UTP6: variants seen among roughly 807,000 people sequenced by gnomAD.
The protein encoded by UTP6 is UTP6 small subunit processome component.
UTP6 carries 60 observed loss-of-function variants against 96.5 expected under a neutral mutation model. The ratio of observed to expected loss-of-function variants is 0.62; its 90% CI spans 0.51 to 0.77. UTP6 has a LOEUF of 0.77. UTP6 is among the 30% of genes least tolerant of loss of function. The pLI, the probability that UTP6 is intolerant of heterozygous loss-of-function variation, is 0.00. For synonymous variants in UTP6, 215 were observed against 240.1 expected (o/e 0.90, Z 0.96); for missense variants, 637 against 706.5 (o/e 0.90, Z 1.12).
intron 6 of UTP6, chr17:31,892,050 G>T: frequency 1.8e-6 from 1 of 555,490 alleles, no homozygotes; most frequent in African/African-American, 1.9e-5. Context: ...AGTCCTTCTT[G>T]CCTGCAGATA....
At chr17:31,886,530 GGC>G (rs1911156519) in intron 8 of UTP6, 1 of 153,422 alleles carries the variant, frequency 6.5e-6, no homozygotes, top group Non-Finnish European at 1.5e-5. Flanking sequence ...CGGGAGTGGT[GGC>G]GGGCACCTGT....
rs1234574561 is a variant in UTP6, at chr17:31,894,666, C to A, written c.291G>T (p.Gln97His). 1 of 1,610,394 alleles carries A rather than the reference C, an allele frequency of 6.2e-7. No homozygotes were observed. Among genetic ancestry groups the A allele is most frequent in the Non-Finnish European group, 8.5e-7 (1 of 1,178,044 alleles). The change falls in exon 4 of 19, where the codon CAG becomes CAT. Residue 97 changes from glutamine (Q) to histidine (H), a missense_variant. Coordinates refer to ENST00000261708, the MANE Select transcript of UTP6 (RefSeq NM_018428.3). ...SIVHRVQGVFQRASAKWKDDV... is the reference protein window; with the variant it reads ...SIVHRVQGVFHRASAKWKDDV... Reference sequence around the variant, plus strand: ...TCACTTTCCATTTTGCTGAGGCACGCTGGAAAACACCTTGTACCCGGTGTA... The same window carrying A: ...TCACTTTCCATTTTGCTGAGGCACGATGGAAAACACCTTGTACCCGGTGTA...
chr17:31,885,847 G>T, intron 9 of UTP6, 133 bp downstream of exon 9: 1 of 714,054 alleles, frequency 1.4e-6, no homozygotes, highest in South Asian at 1.9e-5. Flanking sequence ...AGTATTTTCT[G>T]AAAGAAACAG....
intron 11 of UTP6, 67 bp from the exon 12 acceptor site, chr17:31,878,848 T>C: frequency 1.2e-5 from 17 of 1,464,594 alleles, no homozygotes; most frequent in Non-Finnish European, 1.6e-5. Context: ...TCAAAGTTAT[T>C]AAAAGATAAG....
At position 31,892,640 on chromosome 17, in the gene UTP6, T is replaced by C. The variant is rs564595520; in HGVS notation, c.360+107A>G. On this transcript the variant is annotated intron_variant, in intron 5 of 18. Coordinates refer to ENST00000261708, the MANE Select transcript of UTP6 (RefSeq NM_018428.3). The stretch of plus-strand genomic sequence containing the variant: ...GATGTTCCGCCTTCTTGGGTTCTTT[T>C]TTCATGTTAACCCTACACTTCAGGA... 3 of 1,400,166 alleles carry C rather than the reference T, an allele frequency of 2.1e-6. No homozygotes were observed. The South Asian group carries it at 3.7e-5, about 17-fold the overall frequency. 86.7% of individuals were successfully genotyped at this position (1,400,166 alleles called of 1,614,324 possible).
chr17:31,893,873 C>T (rs540026569), intron 4 of UTP6, among the ~76,000 whole-genome samples: 1 of 152,150 alleles, frequency 6.6e-6, no homozygotes, highest in Non-Finnish European at 1.5e-5. Context: ...TCACAATGCT[C>T]CAAAAAAACT....
chr17:31,900,373 C>G (rs913093406), intron 1 of UTP6, among the ~76,000 whole-genome samples: 1 of 152,036 alleles, frequency 6.6e-6, no homozygotes, highest in Non-Finnish European at 1.5e-5. Context: ...CTCACTACAA[C>G]CTCGGCCTCC....
At chr17:31,864,049 C>T (rs1909679856) in intron 18 of UTP6, among the ~76,000 whole-genome samples, 1 of 151,890 alleles carries the variant, frequency 6.6e-6, no homozygotes, top group Non-Finnish European at 1.5e-5. Context: ...AAAACCTTCA[C>T]ATCAATCATA....
intron 8 of UTP6, 70 bp downstream of exon 8, chr17:31,887,166 T>G (rs933390695): frequency 2.3e-6 from 3 of 1,331,780 alleles, no homozygotes; most frequent in Non-Finnish European, 1.1e-6. Context: ...AAATATTTTC[T>G]CTTACTCCTA....
At chr17:31,881,431 T>G (rs1910834061) in intron 10 of UTP6, among the ~76,000 whole-genome samples, 1 of 151,974 alleles carries the variant, frequency 6.6e-6, no homozygotes, top group Admixed American at 6.6e-5. Context: ...CACGCCCAGC[T>G]AATTTTTGTA....
At chr17:31,864,456 C>G (rs1598090597) in intron 18 of UTP6, among the ~76,000 whole-genome samples, 1 of 152,134 alleles carries the variant, frequency 6.6e-6, no homozygotes, top group African/African-American at 2.4e-5. Context: ...CATGACATAC[C>G]TATACCCAGA....
chr17:31,887,122 CA>C (rs1018363346), intron 8 of UTP6, 113 bp downstream of exon 8: 497 of 938,840 alleles, frequency 5.3e-4, no homozygotes, highest in Non-Finnish European at 6.0e-4. Context: ...GACTCCGTCT[CA>C]AAAAAAAAGA....
At position 31,880,620 on chromosome 17, in the gene UTP6, T is replaced by C. The variant is rs1008206497; in HGVS notation, c.920A>G (p.Glu307Gly). 1.9e-6 allele frequency: 3 copies of C among 1,613,964 alleles called. No individual in the cohort carries two copies. Among genetic ancestry groups the C allele is most frequent in the Non-Finnish European group, 2.5e-6 (3 of 1,180,014 alleles). The change falls in exon 11 of 19, where the codon GAG becomes GGG. Residue 307 changes from glutamate (E) to glycine (G), a missense_variant. Coordinates refer to ENST00000261708, the MANE Select transcript of UTP6 (RefSeq NM_018428.3). The part of the protein sequence containing the change: ...AKAVEVGRKE[E>G]RCCAVYEEAV... ...CTCTTCATACACAGCACAGCACCTC[T>C]CCTCCTTCCGGCCGACCTCCACTGC...
chr17:31,896,898 C>A (rs1345103151), intron 2 of UTP6, among the ~76,000 whole-genome samples: 1 of 151,902 alleles, frequency 6.6e-6, no homozygotes, highest in Non-Finnish European at 1.5e-5. Flanking sequence ...ACACGTGAGC[C>A]GCCACGCCCC....
Position 31,887,317 on chromosome 17 carries a change from CAG to C in UTP6, c.544-6_544-5del. Reference sequence around the variant, plus strand: ...GCATCAGCTCCATCCTAAAGTACTACAGAAGAGAAATAAACTGAAAATCTTTG... The same window carrying C: ...GCATCAGCTCCATCCTAAAGTACTACAAGAGAAATAAACTGAAAATCTTTG... On this transcript the variant is annotated splice_region_variant and splice_polypyrimidine_tract_variant and intron_variant, in intron 7 of 18. Transcript: ENST00000261708. 2 of 1,613,166 alleles carry C rather than the reference CAG, an allele frequency of 1.2e-6. No individual in the cohort carries two copies. Among genetic ancestry groups the C allele is most frequent in the Non-Finnish European group, 1.7e-6 (2 of 1,179,484 alleles).
Position 31,901,698 on chromosome 17 carries a change from G to C in UTP6, c.-71C>G, listed in dbSNP as rs1015050285. 16 of 1,493,702 alleles carry C rather than the reference G, an allele frequency of 1.1e-5. No individual in the cohort carries two copies. The highest frequency in any genetic ancestry group is 1.7e-5 in the Admixed American group (1 of 59,322). 92.5% of individuals were successfully genotyped at this position (1,493,702 alleles called of 1,614,324 possible). A position where few individuals can be genotyped will look rare whatever the true frequency, so the allele number is the denominator to read the frequency against. ...CACGAGCAGGAAGCTCCCGGTTTCA[G>C]GTTCGGAGACCCAGCCCTACCACCG... On this transcript the variant is annotated 5_prime_UTR_variant, in exon 1 of 19. Transcript: ENST00000261708.
chr17:31,868,184 C>G, intron 16 of UTP6, 72 bp from the exon 17 acceptor site: 2 of 1,391,640 alleles, frequency 1.4e-6, no homozygotes, highest in Non-Finnish European at 2.0e-6. Flanking sequence ...CTGTAAATAC[C>G]GAGACCAGTG....
At chr17:31,867,998 C>T (rs767329625) in intron 17 of UTP6, 48 bp downstream of exon 17, 4 of 1,555,638 alleles carry the variant, frequency 2.6e-6, no homozygotes, top group South Asian at 2.3e-5. Flanking sequence ...AGATTAGTAA[C>T]CACTAATCCA....
intron 7 of UTP6, among the ~76,000 whole-genome samples, chr17:31,888,942 G>C (rs1476865206): frequency 6.6e-6 from 1 of 151,808 alleles, no homozygotes; most frequent in Non-Finnish European, 1.5e-5. Context: ...CATGGTGGCA[G>C]GCACCTGTAG....
Sources: allele counts gnomAD v4.1 joint callset (sites outside exome capture counted in the v4.1 genomes callset), GRCh38; gene constraint gnomAD v4.1.1; transcripts MANE v1.5; gene names NCBI Gene and HGNC (gene_info 2026-07-23, HGNC 2026-07-21).